PSD3: variants seen among roughly 807,000 people sequenced by gnomAD.
PSD3 encodes pleckstrin and Sec7 domain containing 3.
A neutral mutation model predicts 105.5 loss-of-function variants in PSD3; 49 were observed. That is an observed-to-expected ratio of 0.46 (90% confidence interval 0.37 to 0.59). PSD3 has a LOEUF of 0.59. Among genes scored for constraint, PSD3 ranks in the 20% least tolerant of loss-of-function variants. The probability of loss-of-function intolerance (pLI) is 0.00; values close to 1 mark genes in which losing one functional copy is unlikely to be tolerated. For synonymous variants in PSD3, 557 were observed against 457.8 expected (o/e 1.22, Z -2.77); for missense variants, 1,561 against 1,263.8 (o/e 1.24, Z -3.57).
chr8:18,543,513 G>A (rs1800268720), intron 15 of PSD3, among the ~76,000 whole-genome samples: 1 of 152,010 alleles, frequency 6.6e-6, no homozygotes, highest in Admixed American at 6.5e-5. Flanking sequence ...AGCTACTCGG[G>A]AGGCTGAGGC....
At chr8:18,980,944 T>C (rs1251097824) in intron 1 of PSD3, among the ~76,000 whole-genome samples, 4 of 152,098 alleles carry the variant, frequency 2.6e-5, no homozygotes, top group African/African-American at 9.7e-5. Flanking sequence ...CTCCCCCAAC[T>C]GGAATACCAC....
intron 1 of PSD3, among the ~76,000 whole-genome samples, chr8:19,011,247 T>A (rs1826936414): frequency 1.3e-5 from 2 of 152,222 alleles, no homozygotes; most frequent in South Asian, 4.1e-4. Flanking sequence ...TGCCTCAGCA[T>A]CTCTTAACCA....
At chr8:18,570,916 G>A (rs1457541572) in intron 14 of PSD3, among the ~76,000 whole-genome samples, 1 of 151,594 alleles carries the variant, frequency 6.6e-6, no homozygotes, top group African/African-American at 2.4e-5. Context: ...CTGGAATGCA[G>A]TGGCATGATC....
intron 1 of PSD3, among the ~76,000 whole-genome samples, chr8:19,049,278 C>T (rs1256180863): frequency 1.3e-5 from 2 of 152,150 alleles, no homozygotes; most frequent in African/African-American, 4.8e-5. Context: ...GAGAGACTAT[C>T]TCCCATCGTC....
intron 9 of PSD3, among the ~76,000 whole-genome samples, chr8:18,754,750 T>A (rs1254298181): frequency 6.6e-6 from 1 of 152,306 alleles, no homozygotes; most frequent in Middle Eastern, 3.4e-3. Context: ...TGTTTTCACT[T>A]TTTTTAGTCA....
chr8:18,748,655 G>A (rs763232173), intron 9 of PSD3, among the ~76,000 whole-genome samples: 77 of 128,686 alleles, frequency 6.0e-4, no homozygotes, highest in Non-Finnish European at 1.1e-3. Context: ...GCGAGACTCC[G>A]TCTCCAAAAA....
chr8:18,729,650 T>C (rs1191629727), intron 9 of PSD3, among the ~76,000 whole-genome samples: 1 of 152,238 alleles, frequency 6.6e-6, no homozygotes, highest in African/African-American at 2.4e-5. Context: ...CAAGAAAAGA[T>C]ACCCAACATC....
intron 9 of PSD3, among the ~76,000 whole-genome samples, chr8:18,726,130 C>T (rs543358507): frequency 6.6e-6 from 1 of 152,346 alleles, no homozygotes; most frequent in African/African-American, 2.4e-5. Context: ...TTCTCTCCTG[C>T]CTTGTCCACC....
intron 10 of PSD3, among the ~76,000 whole-genome samples, chr8:18,639,103 C>T (rs1211232110): frequency 2.6e-5 from 4 of 152,292 alleles, no homozygotes; most frequent in African/African-American, 4.8e-5. Flanking sequence ...TACAGACAGG[C>T]CAGAATATTG....
chr8:18,749,689 G>A (rs375445130), intron 9 of PSD3, among the ~76,000 whole-genome samples: 5 of 152,160 alleles, frequency 3.3e-5, no homozygotes, highest in East Asian at 3.9e-4. Flanking sequence ...ACCAGACAAA[G>A]ACGAGGCAAA....
intron 6 of PSD3, chr8:18,802,370 AG>A (rs1170512852): frequency 2.6e-6 from 1 of 391,966 alleles, no homozygotes; most frequent in African/African-American, 2.9e-5. Flanking sequence ...TGAGATGGGA[AG>A]GAAAAAAAAA....
chr8:18,673,873 G>A (rs1585579041), intron 9 of PSD3, among the ~76,000 whole-genome samples: 1 of 152,116 alleles, frequency 6.6e-6, no homozygotes, highest in African/African-American at 2.4e-5. Flanking sequence ...GGGGCATGCT[G>A]GCTCATACCT....
upstream of PSD3, among the ~76,000 whole-genome samples, chr8:19,016,017 G>A (rs954641849): frequency 6.6e-5 from 10 of 152,328 alleles, no homozygotes; most frequent in Middle Eastern, 3.4e-3. Flanking sequence ...ATTAGCCAGT[G>A]TTACCACTAC....
chr8:18,994,712 C>CT (rs34275422), intron 1 of PSD3, among the ~76,000 whole-genome samples: 5 of 151,514 alleles, frequency 3.3e-5, no homozygotes, highest in Non-Finnish European at 5.9e-5. Flanking sequence ...TTTCTTTTTA[C>CT]TTTTTTTTAA....
intron 14 of PSD3, among the ~76,000 whole-genome samples, chr8:18,559,430 T>C (rs1207739788): frequency 1.3e-5 from 2 of 152,186 alleles, no homozygotes; most frequent in Non-Finnish European, 2.9e-5. Flanking sequence ...CTGGACCCAT[T>C]TTTCTATTGG....
rs149262340 is a variant in PSD3, at chr8:18,862,245, G to A, written c.1634+5429C>T. Among the ~76,000 whole-genome samples the A allele has an allele frequency of 2.5e-4, 38 of 151,952 alleles. No homozygotes were observed. In the East Asian group the frequency reaches 6.9e-3, roughly 28 times the overall value. ...ATTCATTTCATTTTACGCTTGCAGA[G>A]GGTCCCAGATTTTATGTATTTATTC... On this transcript the variant is annotated intron_variant, in intron 4 of 15. Coordinates refer to ENST00000327040, the MANE Select transcript of PSD3 (RefSeq NM_015310.4).
chr8:18,600,628 T>C (rs745608763), intron 11 of PSD3, among the ~76,000 whole-genome samples, 194 bp from the exon 12 acceptor site: 1 of 152,188 alleles, frequency 6.6e-6, no homozygotes, highest in Non-Finnish European at 1.5e-5. Context: ...ACGATCTTAA[T>C]ATTTACAATG....
rs79907361 is a variant in PSD3, at chr8:19,069,360, C to T, written c.324+14846G>A. 9.9e-5 allele frequency among the ~76,000 whole-genome samples: 15 copies of T among 152,226 alleles called. No individual in the cohort carries two copies. In the East Asian group the frequency reaches 1.9e-3, roughly 20 times the overall value. On this transcript the variant is annotated intron_variant, in intron 1 of 1. Transcript: ENST00000521475. Reference sequence around the variant, plus strand: ...AATAACTTCAGAACAAAACACCATTCTTCCAATGGGGGAAGGGAAAGGAAA... The same window carrying T: ...AATAACTTCAGAACAAAACACCATTTTTCCAATGGGGGAAGGGAAAGGAAA...
intron 1 of PSD3, among the ~76,000 whole-genome samples, chr8:19,027,657 T>C (rs1029555355): frequency 6.6e-6 from 1 of 152,162 alleles, no homozygotes; most frequent in Non-Finnish European, 1.5e-5. Flanking sequence ...CTCTCCGTAG[T>C]TTTGTCTTTT....
Sources: allele counts gnomAD v4.1 joint callset (sites outside exome capture counted in the v4.1 genomes callset), GRCh38; gene constraint gnomAD v4.1.1; transcripts MANE v1.5; gene names NCBI Gene and HGNC (gene_info 2026-07-23, HGNC 2026-07-21).